The following KRT40 variants were observed in gnomAD, a reference collection of about 807,000 sequenced individuals.
KRT40 encodes the protein keratin, type I cytoskeletal 40.
Under a neutral mutation model 43.5 loss-of-function variants are expected in KRT40, and 47 were observed. That is an observed-to-expected ratio of 1.08 (90% CI 0.86 to 1.38). KRT40 has a LOEUF of 1.38. Ranked by LOEUF, KRT40 falls within the 40% of genes most tolerant of loss-of-function variation. KRT40 has a pLI of 0.00. For missense variants in KRT40, 573 were observed against 523.6 expected (o/e 1.09, Z -0.92); for synonymous variants, 212 against 214.0 (o/e 0.99, Z 0.08).
In KRT40 at chr17:40,978,253, T is replaced by C. The variant is rs1460356413; in HGVS notation, c.1240A>G (p.Thr414Ala). ...ACATAGGCTGAGCATGGCTCACAAG[T>C]GTTGCTCGAGGTGCATGTGGTCGAA... ...PCSTTCTSSN[T>A]CEPCSAYVIC... The change falls in exon 7 of 7, where the codon ACT becomes GCT. Residue 414 changes from threonine to alanine, a missense_variant. By Grantham distance (58) the Thr-to-Ala change is moderately conservative. Coordinates refer to ENST00000377755, the MANE Select transcript of KRT40 (RefSeq NM_001389244.1). 12 of 1,614,068 alleles carry C rather than the reference T, an allele frequency of 7.4e-6. No individual in the cohort carries two copies. The highest frequency in any genetic ancestry group is 1.3e-5 in the African/African-American group (1 of 74,930).
intron 5 of KRT40, among the ~76,000 whole-genome samples, chr17:40,979,287 G>T (rs900750843): frequency 1.3e-5 from 2 of 152,224 alleles, no homozygotes; most frequent in East Asian, 3.9e-4. Context: ...AGGCCGAGGC[G>T]GGCGGATCAC....
At chr17:40,978,426 G>A in intron 6 of KRT40, 130 bp from the exon 7 acceptor site, 1 of 725,722 alleles carries the variant, frequency 1.4e-6, no homozygotes, top group East Asian at 2.6e-5. Context: ...AGCATTGACT[G>A]AAGCCTGTTT....
chr17:40,978,768 A>G, intron 6 of KRT40, 36 bp downstream of exon 6: 1 of 1,562,054 alleles, frequency 6.4e-7, no homozygotes. Context: ...CCTCTTTGTG[A>G]CTCTGGGGGA....
chr17:40,984,356 A>AC, upstream of KRT40: 2 of 1,083,964 alleles, frequency 1.8e-6, no homozygotes, highest in Non-Finnish European at 2.6e-6. Flanking sequence ...GAGTTTTATA[A>AC]CCCCCCAAAA....
chr17:40,985,599 A>G (rs182381131), upstream of KRT40, among the ~76,000 whole-genome samples: 1 of 152,178 alleles, frequency 6.6e-6, no homozygotes, highest in South Asian at 2.1e-4. Context: ...TAGAAACCAA[A>G]CCAAACCAAA....
In KRT40 at chr17:40,981,010, C is replaced by T. The variant is rs200935213; in HGVS notation, c.829G>A (p.Glu277Lys). 3.9e-4 allele frequency: 633 copies of T among 1,614,126 alleles called. No homozygotes were observed. The highest frequency in any genetic ancestry group is 4.8e-4 in the Non-Finnish European group (563 of 1,180,060). ...TVLANNRREA[E>K]EWLAVQTEEL... ...CTGACCTGAACAGCCAACCATTCTT[C>T]AGCTTCTCTGCGATTGTTGGCAAGC... is the stretch of plus-strand genomic sequence containing the variant. The change falls in exon 4 of 7, where the codon GAA becomes AAA. Residue 277 changes from glutamate (E) to lysine (K), a missense_variant. Glu to Lys is a moderately conservative substitution (Grantham distance 56). Coordinates refer to ENST00000377755, the MANE Select transcript of KRT40 (RefSeq NM_001389244.1).
At chr17:40,982,907 C>A in intron 2 of KRT40, 139 bp downstream of exon 2, 1 of 493,094 alleles carries the variant, frequency 2.0e-6, no homozygotes, top group Non-Finnish European at 3.5e-6. Flanking sequence ...ACTCAGGAGG[C>A]TGAGGCAGGA....
upstream of KRT40, among the ~76,000 whole-genome samples, chr17:40,985,348 T>C (rs1912419678): frequency 6.6e-6 from 1 of 152,154 alleles, no homozygotes. Flanking sequence ...AGATACGTAA[T>C]TTTTTTGAAT....
chr17:40,980,726 T>C, intron 5 of KRT40, 59 bp downstream of exon 5: 1 of 1,522,030 alleles, frequency 6.6e-7, no homozygotes, highest in Non-Finnish European at 8.7e-7. Context: ...GAAGAGGGCT[T>C]AACATCTCAG....
At position 40,980,999 on chromosome 17, in the gene KRT40, C is replaced by T. The variant is rs773954150; in HGVS notation, c.840G>A (p.Leu280=). 20 of 1,614,068 alleles carry T rather than the reference C, an allele frequency of 1.2e-5. No homozygotes were observed. In the African/African-American group the frequency reaches 2.0e-4, roughly 16 times the overall value. ...CAATCTGGGTACTGACCTGAACAGC[C>T]AACCATTCTTCAGCTTCTCTGCGAT... ...ANNRREAEEW[L]AVQTEELNQQ... Residue 280 remains leucine (L), a synonymous_variant, in exon 4 of 7, where the codon TTG becomes TTA. Coordinates refer to ENST00000377755, the MANE Select transcript of KRT40 (RefSeq NM_001389244.1).
Position 40,982,313 on chromosome 17 carries a change from A to T in KRT40, c.681T>A (p.His227Gln). Residue 227 changes from histidine (H) to glutamine (Q), a missense_variant, in exon 3 of 7, where the codon CAT becomes CAA. By Grantham distance (24) the His-to-Gln change is conservative (BLOSUM62 0). Transcript: ENST00000377755. ...KEDLLCLKKN[H>Q]EEEVNLLREQ... ...GAGTTGCCACTTTCCTTACCTCTTC[A>T]TGGTTTTTCTTAAGGCAAAGGAGAT... The T allele has an allele frequency of 1.9e-6, 3 of 1,574,090 alleles. No homozygotes were observed. The highest frequency in any genetic ancestry group is 2.6e-6 in the Non-Finnish European group (3 of 1,164,046).
At chr17:40,987,024 A>G (rs1252766897), upstream of KRT40, 11 of 152,214 alleles carry the variant, frequency 7.2e-5, no homozygotes, top group African/African-American at 2.7e-4. Context: ...CTCTTCTGCT[A>G]TTCGTTTCCT....
At chr17:40,979,325 C>T (rs1014777424) in intron 5 of KRT40, among the ~76,000 whole-genome samples, 1 of 152,078 alleles carries the variant, frequency 6.6e-6, no homozygotes, top group Non-Finnish European at 1.5e-5. Flanking sequence ...ACCATCCTGG[C>T]TAACACGGTG....
At chr17:40,978,749 T>C in intron 6 of KRT40, 55 bp downstream of exon 6, 1 of 1,484,188 alleles carries the variant, frequency 6.7e-7, no homozygotes, top group Non-Finnish European at 9.3e-7. Context: ...CAGGATTCTT[T>C]TACATCAGCC....
upstream of KRT40, chr17:40,984,387 C>T (rs1239571837): frequency 6.9e-6 from 5 of 725,886 alleles, no homozygotes; most frequent in East Asian, 8.1e-5. Flanking sequence ...CAGACTGCAC[C>T]GGATGTTTTC....
intron 1 of KRT40, 68 bp downstream of exon 1, chr17:40,983,759 C>T: frequency 6.7e-7 from 1 of 1,483,574 alleles, no homozygotes; most frequent in Non-Finnish European, 9.3e-7. Context: ...AAAACAGCCC[C>T]TTCTAGTAGA....
At position 40,984,112 on chromosome 17, in the gene KRT40, C is replaced by T. The variant is rs1912334636; in HGVS notation, c.162G>A (p.Gly54=). ...QTPSFLSRSR[G]LTGCLLPCYF... ...AGCATGGCAGGAGGCAACCAGTCAG[C>T]CCGCGAGACCTGGATAGGAAGCTTG... The change falls in exon 1 of 7, where the codon GGG becomes GGA. Residue 54 remains glycine (G), a synonymous_variant. Coordinates refer to ENST00000377755, the MANE Select transcript of KRT40 (RefSeq NM_001389244.1). 6.2e-7 allele frequency: 1 copy of T among 1,614,126 alleles called. No homozygotes were observed. Among genetic ancestry groups the T allele is most frequent in the Non-Finnish European group, 8.5e-7 (1 of 1,180,024 alleles).
chr17:40,980,988 A>C lies in KRT40; in HGVS notation c.849+2T>G. ...TGACATTTTTTCAATCTGGGTACTG[A>C]CCTGAACAGCCAACCATTCTTCAGC... is the stretch of plus-strand genomic sequence containing the variant. On this transcript the variant is annotated splice_donor_variant, in intron 4 of 6. Coordinates refer to ENST00000377755, the MANE Select transcript of KRT40 (RefSeq NM_001389244.1). LOFTEE classifies it high-confidence loss of function. The C allele has an allele frequency of 6.2e-7, 1 of 1,614,226 alleles. No homozygotes were observed. The highest frequency in any genetic ancestry group is 8.5e-7 in the Non-Finnish European group (1 of 1,180,040).
intron 1 of KRT40, among the ~76,000 whole-genome samples, chr17:40,983,512 G>T (rs1912293840): frequency 6.6e-6 from 1 of 152,096 alleles, no homozygotes; most frequent in African/African-American, 2.4e-5. Context: ...CATGATCTGT[G>T]TTCAGATAAT....
Sources: gnomAD v4.1 joint callset for allele counts (sites outside exome capture counted in the v4.1 genomes callset) on GRCh38, gnomAD v4.1.1 for gene constraint, MANE v1.5 for transcripts, NCBI Gene and HGNC (gene_info 2026-07-23, HGNC 2026-07-21) for gene names.